NCAPG: variants seen among roughly 807,000 people sequenced by gnomAD.
NCAPG encodes non-SMC condensin I complex subunit G.
NCAPG carries 69 observed loss-of-function variants against 113.1 expected under a neutral mutation model. That is an observed-to-expected ratio of 0.61 (90% CI 0.50 to 0.75). The LOEUF (loss-of-function observed/expected upper bound fraction) is 0.75. NCAPG is among the 30% of genes least tolerant of loss of function. The pLI is 0.00. For missense variants in NCAPG, 1,058 were observed against 1,177.0 expected (o/e 0.90, Z 1.48); for synonymous variants, 370 against 415.8 (o/e 0.89, Z 1.34).
At chr4:17,821,050 T>C (rs1447434864) in intron 7 of NCAPG, among the ~76,000 whole-genome samples, 1 of 152,200 alleles carries the variant, frequency 6.6e-6, no homozygotes, top group Non-Finnish European at 1.5e-5. Flanking sequence ...AATTGGTGGG[T>C]CAGTTTTAAG....
In NCAPG at chr4:17,843,595, T is replaced by TATTA. The variant is rs1331965602; in HGVS notation, c.*171_*174dup. ...ATTAAAGCAGTAGAGCAGCATCAGT[T>TATTA]ATTATAGTCCAGAAAAAGTGTGCAT... is the stretch of plus-strand genomic sequence containing the variant. On this transcript the variant is annotated 3_prime_UTR_variant, in exon 21 of 21. Transcript: ENST00000251496. 1.7e-6 allele frequency: 1 copy of TATTA among 589,822 alleles called. No individual in the cohort carries two copies. The highest frequency in any genetic ancestry group is 2.7e-5 in the South Asian group (1 of 37,524). 36.5% of individuals were successfully genotyped at this position (589,822 alleles called of 1,614,324 possible).
intron 12 of NCAPG, among the ~76,000 whole-genome samples, chr4:17,829,669 A>G (rs1721788645): frequency 6.6e-6 from 1 of 152,260 alleles, no homozygotes; most frequent in South Asian, 2.1e-4. Context: ...AGATGTTTGG[A>G]TAAAAGTTAT....
rs1391946162 is a variant in NCAPG, at chr4:17,843,283, A to G, written c.2925-19A>G. 6.2e-7 allele frequency: 1 copy of G among 1,600,214 alleles called. No individual in the cohort carries two copies. Among genetic ancestry groups the G allele is most frequent in the African/African-American group, 1.3e-5 (1 of 74,112 alleles). ...TTAAAGCTTGTATCTAAATTCGTGT[A>G]TTTTCAACATCTATTTAGTGATCAT... is the stretch of plus-strand genomic sequence containing the variant. On this transcript the variant is annotated intron_variant, in intron 20 of 20. Transcript: ENST00000251496.
intron 12 of NCAPG, among the ~76,000 whole-genome samples, chr4:17,829,763 C>T (rs1175740098): frequency 1.3e-5 from 2 of 152,128 alleles, no homozygotes; most frequent in African/African-American, 2.4e-5. Context: ...CAAATATTTA[C>T]TGAACATCTA....
intron 16 of NCAPG, 24 bp downstream of exon 16, chr4:17,837,825 G>A (rs745316648): frequency 6.2e-7 from 1 of 1,612,136 alleles, no homozygotes; most frequent in African/African-American, 1.3e-5. Flanking sequence ...GTAACTGCAT[G>A]CAGATCACTG....
intron 12 of NCAPG, among the ~76,000 whole-genome samples, chr4:17,830,754 G>A (rs1721837455): frequency 6.6e-6 from 1 of 152,136 alleles, no homozygotes; most frequent in Non-Finnish European, 1.5e-5. Flanking sequence ...TATATATCAT[G>A]TTAAGGAGTT....
At position 17,811,206 on chromosome 4, in the gene NCAPG, CGGCCGCCG is replaced by C; in HGVS notation, c.111+19_111+26del. 7.0e-7 allele frequency: 1 copy of C among 1,426,878 alleles called. No individual in the cohort carries two copies. The highest frequency in any genetic ancestry group is 9.3e-7 in the Non-Finnish European group (1 of 1,075,410). 88.4% of individuals were successfully genotyped at this position (1,426,878 alleles called of 1,614,324 possible). The stretch of plus-strand genomic sequence containing the variant: ...ACCGCACGGTAAGCGCTCCCGGCCC[CGGCCGCCG>C]CCTCTCGCCCGCCCCGGCCCACCCT... On this transcript the variant is annotated intron_variant, in intron 1 of 20. Transcript: ENST00000251496. This position sits in a 1 kb window ranked among gnomAD's most constrained non-coding sequence, Gnocchi z 5.3.
At chr4:17,837,970 T>A (rs1375592843) in intron 16 of NCAPG, among the ~76,000 whole-genome samples, 169 bp downstream of exon 16, 3 of 152,182 alleles carry the variant, frequency 2.0e-5, no homozygotes, top group African/African-American at 7.2e-5. Flanking sequence ...AGAAATCATA[T>A]GAAAACAGAA....
At chr4:17,834,608 AG>A in intron 14 of NCAPG, 85 bp downstream of exon 14, 1 of 916,306 alleles carries the variant, frequency 1.1e-6, no homozygotes, top group Non-Finnish European at 1.5e-6. Context: ...AATTTATTAT[AG>A]TTTAAGTCCT....
At chr4:17,842,612 ATGT>A (rs1414720548) in intron 20 of NCAPG, 4 of 416,640 alleles carry the variant, frequency 9.6e-6, no homozygotes, top group African/African-American at 8.2e-5. Flanking sequence ...TATCTTTAAT[ATGT>A]TGTTTCAATT....
Position 17,843,614 on chromosome 4 carries a change from T to TC in NCAPG, c.*189_*190insC, listed in dbSNP as rs1373026953. 1 of 508,214 alleles carries TC rather than the reference T, an allele frequency of 2.0e-6. No individual in the cohort carries two copies. The highest frequency in any genetic ancestry group is 3.5e-6 in the Non-Finnish European group (1 of 287,226). 31.5% of individuals were successfully genotyped at this position (508,214 alleles called of 1,614,324 possible). A position where few individuals can be genotyped will look rare whatever the true frequency, so the allele number is the denominator to read the frequency against. On this transcript the variant is annotated 3_prime_UTR_variant, in exon 21 of 21. Coordinates refer to ENST00000251496, the MANE Select transcript of NCAPG (RefSeq NM_022346.5). The stretch of plus-strand genomic sequence containing the variant: ...ATCAGTTATTATAGTCCAGAAAAAG[T>TC]GTGCATCAGTCAGTCACACAGATTT...
intron 11 of NCAPG, among the ~76,000 whole-genome samples, chr4:17,827,760 GTT>G (rs796602901): frequency 7.5e-6 from 1 of 133,868 alleles, no homozygotes. Flanking sequence ...AGGTTGTCAG[GTT>G]TTTTTTTTTT....
chr4:17,823,784 C>G lies in NCAPG; in HGVS notation c.1383+14C>G. The G allele has an allele frequency of 6.3e-7, 1 of 1,582,108 alleles. No individual in the cohort carries two copies. Among genetic ancestry groups the G allele is most frequent in the Non-Finnish European group, 8.6e-7 (1 of 1,157,466 alleles). ...AGAACACAAATTGTAAGTAATTTTC[C>G]TCATTGTTGATAAAGAGGTTTTGGT... On this transcript the variant is annotated intron_variant, in intron 9 of 20. Transcript: ENST00000251496.
intron 7 of NCAPG, among the ~76,000 whole-genome samples, chr4:17,822,608 A>T (rs531898580): frequency 6.6e-6 from 1 of 152,222 alleles, no homozygotes; most frequent in East Asian, 1.9e-4. Flanking sequence ...TCTCAGATAA[A>T]CTCATCCTAA....
In NCAPG at chr4:17,834,571, GTATT is replaced by G; in HGVS notation, c.2109+50_2109+53del. 5 of 1,192,708 alleles carry G rather than the reference GTATT, an allele frequency of 4.2e-6. No homozygotes were observed. The East Asian group carries it at 1.1e-4, about 27-fold the overall frequency. The allele number at this position is 1,192,708 out of a possible 1,614,324, so 73.9% of individuals were successfully genotyped here. A position where few individuals can be genotyped will look rare whatever the true frequency, so the allele number is the denominator to read the frequency against. The stretch of plus-strand genomic sequence containing the variant: ...GATTATGAAATGTCATTTTCAGCAT[GTATT>G]TGTTTATTATTATTATTTTTTAAAT... On this transcript the variant is annotated intron_variant, in intron 14 of 20. Coordinates refer to ENST00000251496, the MANE Select transcript of NCAPG (RefSeq NM_022346.5).
At chr4:17,841,504 G>C (rs1169284621) in intron 19 of NCAPG, 1 of 151,924 alleles carries the variant, frequency 6.6e-6, no homozygotes, top group Non-Finnish European at 1.5e-5. Flanking sequence ...AAATGCATTA[G>C]TAAAAGCAGG....
chr4:17,841,708 A>C (rs1446084196), intron 19 of NCAPG: 1 of 151,944 alleles, frequency 6.6e-6, no homozygotes, highest in African/African-American at 2.4e-5. Flanking sequence ...CACAAGCCAA[A>C]CTTTGTCTTA....
intron 19 of NCAPG, chr4:17,841,299 A>T (rs1330595528): frequency 6.6e-6 from 1 of 151,994 alleles, no homozygotes; most frequent in African/African-American, 2.4e-5. Flanking sequence ...AGGAACACTA[A>T]TAATCCCACC....
intron 7 of NCAPG, among the ~76,000 whole-genome samples, chr4:17,819,557 A>G (rs1046707224): frequency 6.6e-6 from 1 of 152,154 alleles, no homozygotes; most frequent in African/African-American, 2.4e-5. Flanking sequence ...ACGCGCCTCC[A>G]TGCCCAGCTA....
Sources: allele counts gnomAD v4.1 joint callset (sites outside exome capture counted in the v4.1 genomes callset), GRCh38; gene constraint gnomAD v4.1.1; non-coding constraint Gnocchi (gnomAD v3.1); transcripts MANE v1.5; gene names NCBI Gene and HGNC (gene_info 2026-07-23, HGNC 2026-07-21).